Variants in DAB1 observed in about 807,000 individuals in gnomAD.
DAB1 encodes the protein DAB adaptor protein 1.
DAB1 carries 15 observed loss-of-function variants against 64.6 expected under a neutral mutation model. The ratio of observed to expected loss-of-function variants is 0.23; its 90% CI spans 0.16 to 0.36. The LOEUF is 0.36. Ranked by LOEUF, DAB1 falls within the 10% of genes least tolerant of loss-of-function variation. The probability of loss-of-function intolerance (pLI) is 1.00; values close to 1 mark genes in which losing one functional copy is unlikely to be tolerated. For missense variants in DAB1, 596 were observed against 706.7 expected (o/e 0.84, Z 1.78); for synonymous variants, 235 against 251.9 (o/e 0.93, Z 0.64).
chr1:57,270,508 A>G (rs1385467062), intron 2 of DAB1, among the ~76,000 whole-genome samples: 1 of 152,222 alleles, frequency 6.6e-6, no homozygotes, highest in East Asian at 1.9e-4. Context: ...ATCACAGATG[A>G]AGGACCAGAG....
chr1:58,424,076 G>C (rs1016341645), intron 3 of DAB1, among the ~76,000 whole-genome samples: 1 of 152,164 alleles, frequency 6.6e-6, no homozygotes, highest in Admixed American at 6.5e-5. Flanking sequence ...GAGGTCTTCT[G>C]TCTCAGCAGA....
upstream of DAB1, among the ~76,000 whole-genome samples, chr1:57,885,165 C>T (rs1557536666): frequency 6.6e-6 from 1 of 152,122 alleles, no homozygotes; most frequent in East Asian, 1.9e-4. Flanking sequence ...CATAATGATG[C>T]TAATATTAAA....
intron 4 of DAB1, among the ~76,000 whole-genome samples, chr1:58,176,844 T>C (rs1656509976): frequency 6.6e-6 from 1 of 152,056 alleles, no homozygotes; most frequent in Non-Finnish European, 1.5e-5. Context: ...CCAGGCATGG[T>C]GGTGGGCACC....
intron 7 of DAB1, among the ~76,000 whole-genome samples, chr1:57,493,059 G>A (rs2101284646): frequency 6.6e-6 from 1 of 152,166 alleles, no homozygotes; most frequent in South Asian, 2.1e-4. Context: ...TCACATAGCA[G>A]CCCGCCTCCC....
intron 4 of DAB1, among the ~76,000 whole-genome samples, chr1:58,318,960 T>C (rs977994738): frequency 6.6e-6 from 1 of 152,162 alleles, no homozygotes; most frequent in Non-Finnish European, 1.5e-5. Flanking sequence ...AGAGAGCAGA[T>C]CATTGTGAGA....
At chr1:57,783,686 C>T (rs112088496) in intron 6 of DAB1, among the ~76,000 whole-genome samples, 3 of 152,212 alleles carry the variant, frequency 2.0e-5, no homozygotes, top group African/African-American at 4.8e-5. Flanking sequence ...GTGGTCACTT[C>T]GTGTCTGTGT....
At chr1:57,292,733 G>C (rs180952842) in intron 1 of DAB1, among the ~76,000 whole-genome samples, 186 of 152,252 alleles carry the variant, frequency 1.2e-3, no homozygotes, top group African/African-American at 4.2e-3. Flanking sequence ...CATTTACCAT[G>C]TAACCATGCT....
chr1:58,398,440 C>G (rs1444930862), intron 3 of DAB1, among the ~76,000 whole-genome samples: 1 of 152,224 alleles, frequency 6.6e-6, no homozygotes, highest in Non-Finnish European at 1.5e-5. Context: ...GCTCCATGCC[C>G]GTCCAAGCCA....
Position 57,553,406 on chromosome 1 carries a change from G to GAAAAAGAAAGAAAGAAAGAA in DAB1, n.625+96185_625+96186insTTCTTTCTTTCTTTCTTTTT, listed in dbSNP as rs759455637. On this transcript the variant is annotated intron_variant and non_coding_transcript_variant, in intron 7 of 20. Transcript: ENST00000485760. ...AAAGAGAAAGAAAGAAAGAAAGAAA[G>GAAAAAGAAAGAAAGAAAGAA]AAAGAAAGAAAGAAAGAAAGAAAGA... 3.3e-3 allele frequency among the ~76,000 whole-genome samples: 53 copies of GAAAAAGAAAGAAAGAAAGAA among 15,842 alleles called. 4 individuals carry two copies. Among genetic ancestry groups the GAAAAAGAAAGAAAGAAAGAA allele is most frequent in the South Asian group, 8.3e-3 (1 of 120 alleles). 10.4% of individuals were successfully genotyped at this position (15,842 alleles called of 152,430 possible).
intron 5 of DAB1, among the ~76,000 whole-genome samples, chr1:58,144,602 T>C (rs1654487213): frequency 6.6e-6 from 1 of 152,334 alleles, no homozygotes; most frequent in South Asian, 2.1e-4. Flanking sequence ...CGAAGTTAAG[T>C]GACTTGCACT....
chr1:57,272,458 A>G (rs1671088344), intron 2 of DAB1, among the ~76,000 whole-genome samples: 1 of 152,220 alleles, frequency 6.6e-6, no homozygotes, highest in African/African-American at 2.4e-5. Flanking sequence ...GTTTTCTCAT[A>G]GTAACAATAG....
At chr1:57,807,006 G>A (rs990356835) in intron 6 of DAB1, among the ~76,000 whole-genome samples, 2 of 152,140 alleles carry the variant, frequency 1.3e-5, no homozygotes, top group African/African-American at 2.4e-5. Context: ...TGTTGAATGA[G>A]TAAATGAATG....
chr1:57,565,002 A>T (rs1645100342), intron 7 of DAB1, among the ~76,000 whole-genome samples: 1 of 152,198 alleles, frequency 6.6e-6, no homozygotes, highest in Non-Finnish European at 1.5e-5. Flanking sequence ...TGAGGGAAAA[A>T]ATGTTAAGGG....
At chr1:57,134,922 T>G (rs1312657743) in intron 4 of DAB1, among the ~76,000 whole-genome samples, 2 of 152,166 alleles carry the variant, frequency 1.3e-5, no homozygotes, top group East Asian at 3.9e-4. Context: ...GTACTTATAT[T>G]TACCACAATG....
chr1:57,028,446 G>C (rs1002602497), intron 9 of DAB1, among the ~76,000 whole-genome samples: 3 of 152,148 alleles, frequency 2.0e-5, no homozygotes, highest in African/African-American at 7.2e-5. Flanking sequence ...CAGTAAAATT[G>C]TTACCAGTAG....
intron 6 of DAB1, among the ~76,000 whole-genome samples, chr1:57,722,824 T>C (rs4912277): frequency 0.16 from 23,847 of 152,132 alleles, 2,377 homozygotes; most frequent in East Asian, 0.33. Flanking sequence ...TGAGGCTACA[T>C]TGAGCAGGAG....
chr1:57,909,990 G>A, intron 5 of DAB1, among the ~76,000 whole-genome samples: 1 of 152,166 alleles, frequency 6.6e-6, no homozygotes, highest in South Asian at 2.1e-4. Context: ...TTCCAGATGA[G>A]TGAAGTGTCT....
At chr1:57,884,188 T>C (rs1461377510), upstream of DAB1, 1 of 152,292 alleles carries the variant, frequency 6.6e-6, no homozygotes, top group Non-Finnish European at 1.5e-5. Flanking sequence ...GATGTCAATT[T>C]TGAAGGCAAA....
chr1:58,525,839 T>C (rs1470602665), intron 2 of DAB1, among the ~76,000 whole-genome samples: 1 of 152,080 alleles, frequency 6.6e-6, no homozygotes. Context: ...AGTGATAATA[T>C]GGTACTGGCT....
Sources: gnomAD v4.1 joint callset for allele counts (sites outside exome capture counted in the v4.1 genomes callset) on GRCh38, gnomAD v4.1.1 for gene constraint, MANE v1.5 for transcripts, NCBI Gene and HGNC (gene_info 2026-07-23, HGNC 2026-07-21) for gene names.